Variants in GREM2 observed in about 807,000 individuals in gnomAD.
GREM2 encodes the protein gremlin-2.
Under a neutral mutation model 14.2 loss-of-function variants are expected in GREM2, and 11 were observed. The observed-to-expected ratio is 0.78, with a 90% CI of 0.49 to 1.28. GREM2 has a LOEUF of 1.28. GREM2 is among the 50% of genes most tolerant of loss of function. GREM2 has a pLI of 0.00. For missense variants in GREM2, 210 were observed against 218.5 expected, an observed-to-expected ratio of 0.96 and a Z score of 0.24; for synonymous variants, 98 against 97.6, an observed-to-expected ratio of 1.00 and a Z score of -0.02.
At chr1:240,509,170 A>T (rs989405607) in intron 1 of GREM2, among the ~76,000 whole-genome samples, 2 of 152,146 alleles carry the variant, frequency 1.3e-5, no homozygotes. Flanking sequence ...GTTTCCAATT[A>T]GGATGCCTTT....
chr1:240,494,602 G>C (rs1172011133), intron 1 of GREM2, among the ~76,000 whole-genome samples: 1 of 152,166 alleles, frequency 6.6e-6, no homozygotes, highest in Non-Finnish European at 1.5e-5. Flanking sequence ...ATAAATTAGA[G>C]TCTCCTAGTA....
intron 1 of GREM2, among the ~76,000 whole-genome samples, chr1:240,556,951 C>T (rs560958624): frequency 1.3e-5 from 2 of 152,048 alleles, no homozygotes; most frequent in South Asian, 4.1e-4. Context: ...GGGTGGATTG[C>T]CTGAGCTCAG....
intron 1 of GREM2, among the ~76,000 whole-genome samples, chr1:240,599,107 A>G (rs1197046695): frequency 2.0e-5 from 3 of 152,044 alleles, no homozygotes; most frequent in African/African-American, 7.2e-5. Flanking sequence ...GATATCTACT[A>G]AAAACACAAA....
intron 1 of GREM2, among the ~76,000 whole-genome samples, chr1:240,510,240 G>A (rs557107679): frequency 2.0e-5 from 3 of 151,632 alleles, no homozygotes; most frequent in Non-Finnish European, 4.4e-5. Flanking sequence ...CGTGGTGGCG[G>A]GCGCCTGTAG....
intron 1 of GREM2, among the ~76,000 whole-genome samples, chr1:240,537,785 AAAACAAAC>A (rs59649704): frequency 1.3e-5 from 2 of 151,296 alleles, no homozygotes; most frequent in Non-Finnish European, 2.9e-5. Context: ...CTCTGTCTCA[AAAACAAAC>A]AAACAAACAA....
At chr1:240,586,204 G>A (rs1679597604) in intron 1 of GREM2, among the ~76,000 whole-genome samples, 1 of 152,132 alleles carries the variant, frequency 6.6e-6, no homozygotes, top group Non-Finnish European at 1.5e-5. Flanking sequence ...GGAGGATAGA[G>A]TTACTTTCTC....
At chr1:240,515,082 TAAGCAA>T (rs1677924912) in intron 1 of GREM2, among the ~76,000 whole-genome samples, 1 of 152,198 alleles carries the variant, frequency 6.6e-6, no homozygotes, top group Non-Finnish European at 1.5e-5. Context: ...ACCATACCTA[TAAGCAA>T]GACTTTCTGG....
intron 1 of GREM2, among the ~76,000 whole-genome samples, chr1:240,576,656 A>C (rs967893324): frequency 1.3e-5 from 2 of 152,234 alleles, no homozygotes; most frequent in Non-Finnish European, 2.9e-5. Flanking sequence ...TAATTAAAAT[A>C]TTCAGAAAAC....
chr1:240,503,799 G>A (rs1440785293), intron 1 of GREM2, among the ~76,000 whole-genome samples: 1 of 152,102 alleles, frequency 6.6e-6, no homozygotes, highest in African/African-American at 2.4e-5. Context: ...TTTCGCCATG[G>A]TCATGACAGA....
chr1:240,575,528 TA>T (rs67582719), intron 1 of GREM2, among the ~76,000 whole-genome samples: 35,518 of 151,056 alleles, frequency 0.24, 4,338 homozygotes, highest in South Asian at 0.37. Flanking sequence ...ATTTTAATTT[TA>T]TTTTTTTTTC....
chr1:240,609,497 A>G (rs1680092023), intron 1 of GREM2, among the ~76,000 whole-genome samples: 1 of 152,056 alleles, frequency 6.6e-6, no homozygotes, highest in East Asian at 1.9e-4. Context: ...AGATGGCACC[A>G]TAGGTCTAAT....
intron 1 of GREM2, among the ~76,000 whole-genome samples, chr1:240,513,820 G>A (rs1431564967): frequency 6.6e-6 from 1 of 152,124 alleles, no homozygotes; most frequent in East Asian, 1.9e-4. Flanking sequence ...CTGCTTTATA[G>A]AGAAAGGTAT....
intron 1 of GREM2, among the ~76,000 whole-genome samples, chr1:240,563,423 A>C (rs931768157): frequency 6.6e-6 from 1 of 152,170 alleles, no homozygotes; most frequent in African/African-American, 2.4e-5. Flanking sequence ...GTTAGCAAAA[A>C]TTGCTGTATG....
chr1:240,528,617 A>C (rs1016843063), intron 1 of GREM2, among the ~76,000 whole-genome samples: 3 of 152,224 alleles, frequency 2.0e-5, no homozygotes, highest in Admixed American at 1.3e-4. Flanking sequence ...CTAAGTAATT[A>C]GTACCATGCC....
At chr1:240,575,508 T>C (rs1448077799) in intron 1 of GREM2, among the ~76,000 whole-genome samples, 1 of 144,896 alleles carries the variant, frequency 6.9e-6, no homozygotes, top group Non-Finnish European at 1.5e-5. Context: ...AGATTCACTT[T>C]TTAATTTTAA....
At chr1:240,515,993 C>T (rs1677946784) in intron 1 of GREM2, among the ~76,000 whole-genome samples, 2 of 152,130 alleles carry the variant, frequency 1.3e-5, no homozygotes, top group African/African-American at 4.8e-5. Context: ...ATGGATCTTT[C>T]TTCTAATGAG....
chr1:240,537,795 A>AAC (rs1479832675), intron 1 of GREM2, among the ~76,000 whole-genome samples: 1 of 152,016 alleles, frequency 6.6e-6, no homozygotes, highest in Non-Finnish European at 1.5e-5. Flanking sequence ...AAAACAAACA[A>AAC]ACAAACAAAC....
intron 1 of GREM2, among the ~76,000 whole-genome samples, chr1:240,513,413 A>G (rs536891432): frequency 6.6e-6 from 1 of 152,132 alleles, no homozygotes; most frequent in South Asian, 2.1e-4. Flanking sequence ...CATCTCTACT[A>G]AAAATATACA....
Position 240,528,413 on chromosome 1 carries a change from C to T in GREM2, c.-1-34937G>A, listed in dbSNP as rs541375456. Among the ~76,000 whole-genome samples, 465 of 152,068 alleles carry T rather than the reference C, an allele frequency of 3.1e-3. 1 individual carries two copies. Among genetic ancestry groups the T allele is most frequent in the Admixed American group, 5.6e-3 (85 of 15,260 alleles). On this transcript the variant is annotated intron_variant, in intron 1 of 1. Transcript: ENST00000318160. ...TAGTCCATTTGAAACCCCAAATGGCCGTGATTCTCACCAGCCAGTCACTCA... is the reference window on the plus strand; with the variant it reads ...TAGTCCATTTGAAACCCCAAATGGCTGTGATTCTCACCAGCCAGTCACTCA...
Sources: gnomAD v4.1 joint callset for allele counts (sites outside exome capture counted in the v4.1 genomes callset) on GRCh38, gnomAD v4.1.1 for gene constraint, MANE v1.5 for transcripts, NCBI Gene and HGNC (gene_info 2026-07-23, HGNC 2026-07-21) for gene names.